Variants in CPSF3 observed in about 807,000 individuals in gnomAD.
CPSF3 encodes cleavage and polyadenylation specificity factor subunit 3.
CPSF3 carries 57 observed loss-of-function variants against 84.1 expected under a neutral mutation model. The ratio of observed to expected loss-of-function variants is 0.68; its 90% CI spans 0.55 to 0.85. The LOEUF is 0.85. CPSF3 is among the 40% of genes least tolerant of loss of function. CPSF3 has a pLI of 0.00. For missense variants in CPSF3, 522 were observed against 838.8 expected (o/e 0.62, Z 4.66); for synonymous variants, 275 against 278.1 (o/e 0.99, Z 0.11).
intron 5 of CPSF3, among the ~76,000 whole-genome samples, chr2:9,433,451 C>CG (rs1461856300): frequency 3.9e-5 from 6 of 152,144 alleles, no homozygotes; most frequent in Non-Finnish European, 8.8e-5. Flanking sequence ...CTCCAGGGCA[C>CG]AAAAAATAAG....
intron 1 of CPSF3, among the ~76,000 whole-genome samples, chr2:9,425,214 A>G (rs555530592): frequency 3.9e-5 from 6 of 152,334 alleles, no homozygotes; most frequent in Non-Finnish European, 1.5e-5. Flanking sequence ...CAGATTCCTC[A>G]TGGCTGTAGC....
intron 14 of CPSF3, among the ~76,000 whole-genome samples, chr2:9,457,646 A>G (rs1485467568): frequency 2.6e-5 from 4 of 152,212 alleles, no homozygotes; most frequent in East Asian, 3.8e-4. Flanking sequence ...AGTGAGTCCT[A>G]TCATTGAATA....
At chr2:9,439,802 C>T (rs1572777629) in intron 7 of CPSF3, among the ~76,000 whole-genome samples, 1 of 151,546 alleles carries the variant, frequency 6.6e-6, no homozygotes, top group African/African-American at 2.4e-5. Flanking sequence ...GCCTGGGAAA[C>T]ATAATGAGAC....
At chr2:9,436,770 C>CAAAAAAAAAAAAAATAAAAAA (rs1347695504) in intron 7 of CPSF3, among the ~76,000 whole-genome samples, 1 of 82,466 alleles carries the variant, frequency 1.2e-5, no homozygotes, top group Non-Finnish European at 2.6e-5. Flanking sequence ...GACTCCATCT[C>CAAAAAAAAAAAAAATAAAAAA]AAAAAATAAT....
chr2:9,429,952 A>G lies in CPSF3; in HGVS notation c.144A>G (p.Glu48=), dbSNP rs980402664. ...ACTGTGGGATCCACCCTGGCCTAGA[A>G]GGAATGGATGCTCTTCCTTATATTG... ...MLDCGIHPGL[E]GMDALPYIDL... is the part of the protein sequence containing the mutation. The change falls in exon 3 of 18, where the codon GAA becomes GAG. Residue 48 remains glutamate (E), a synonymous_variant. Transcript: ENST00000238112. 1 of 1,601,176 alleles carries G rather than the reference A, an allele frequency of 6.2e-7. No homozygotes were observed. Among genetic ancestry groups the G allele is most frequent in the Non-Finnish European group, 8.5e-7 (1 of 1,175,466 alleles).
intron 1 of CPSF3, 111 bp from the exon 2 acceptor site, chr2:9,428,654 G>A: frequency 1.5e-6 from 1 of 679,178 alleles, no homozygotes; most frequent in Non-Finnish European, 2.6e-6. Context: ...ATTTTTCAGT[G>A]AGGTGCTGTC....
chr2:9,471,794 C>T (rs780903992), intron 17 of CPSF3, among the ~76,000 whole-genome samples: 22 of 151,600 alleles, frequency 1.5e-4, no homozygotes, highest in Non-Finnish European at 2.6e-4. Context: ...ATTTTCCAAA[C>T]AGTTCAAAAC....
intron 10 of CPSF3, among the ~76,000 whole-genome samples, chr2:9,444,146 A>ATATATG (rs1252392171): frequency 7.1e-6 from 1 of 140,654 alleles, no homozygotes; most frequent in Non-Finnish European, 1.5e-5. Context: ...TATATTATAT[A>ATATATG]TATATATATA....
chr2:9,465,563 A>ACACG (rs1558465518), intron 15 of CPSF3, among the ~76,000 whole-genome samples: 1 of 147,626 alleles, frequency 6.8e-6, no homozygotes, highest in African/African-American at 2.6e-5. Flanking sequence ...ACACACACAC[A>ACACG]CGCGCGCGCG....
chr2:9,462,284 C>G (rs1399088117), intron 15 of CPSF3, among the ~76,000 whole-genome samples: 1 of 152,202 alleles, frequency 6.6e-6, no homozygotes, highest in Non-Finnish European at 1.5e-5. Context: ...TTTCTCTTCA[C>G]TATATTTCTG....
At chr2:9,453,853 T>C (rs932176261) in intron 12 of CPSF3, among the ~76,000 whole-genome samples, 2 of 152,090 alleles carry the variant, frequency 1.3e-5, no homozygotes, top group African/African-American at 4.8e-5. Flanking sequence ...ATAATGCCAC[T>C]GCATTCCAGC....
intron 3 of CPSF3, 127 bp downstream of exon 3, chr2:9,430,147 C>G: frequency 1.7e-6 from 1 of 596,118 alleles, no homozygotes; most frequent in Non-Finnish European, 2.9e-6. Flanking sequence ...TTGCAGACAT[C>G]TGAGTCTAAA....
chr2:9,467,624 A>T (rs1682020688), intron 15 of CPSF3, 83 bp from the exon 16 acceptor site: 2 of 988,774 alleles, frequency 2.0e-6, no homozygotes, highest in Non-Finnish European at 3.1e-6. Flanking sequence ...ACTTATCAGT[A>T]ACCAGATTCT....
At chr2:9,425,892 C>T (rs1680373853) in intron 1 of CPSF3, among the ~76,000 whole-genome samples, 1 of 152,176 alleles carries the variant, frequency 6.6e-6, no homozygotes. Flanking sequence ...ACCTTGTATT[C>T]ATTAGCAGTC....
At chr2:9,466,400 ACGCACG>A (rs1379877551) in intron 15 of CPSF3, among the ~76,000 whole-genome samples, 212 of 147,802 alleles carry the variant, frequency 1.4e-3, no homozygotes, top group African/African-American at 5.2e-3. Flanking sequence ...GCGCACACAC[ACGCACG>A]CGCACACACG....
chr2:9,452,056 T>C (rs1470836036), intron 11 of CPSF3, among the ~76,000 whole-genome samples: 1 of 152,124 alleles, frequency 6.6e-6, no homozygotes, highest in East Asian at 1.9e-4. Flanking sequence ...GGGCTGGGTG[T>C]CATGGCTCAC....
At chr2:9,467,681 C>G in intron 15 of CPSF3, 26 bp from the exon 16 acceptor site, 1 of 1,561,036 alleles carries the variant, frequency 6.4e-7, no homozygotes, top group Non-Finnish European at 8.7e-7. Flanking sequence ...AGAAACTGAA[C>G]TCTCTGTCGC....
intron 10 of CPSF3, among the ~76,000 whole-genome samples, chr2:9,447,078 C>T (rs533044168): frequency 2.6e-4 from 39 of 151,940 alleles, no homozygotes; most frequent in African/African-American, 9.4e-4. Context: ...GAGATTGAGG[C>T]CACGGTGAGC....
chr2:9,441,983 T>C lies in CPSF3; in HGVS notation c.1095+7T>C, dbSNP rs767907585. 1.9e-6 allele frequency: 3 copies of C among 1,614,038 alleles called. No individual in the cohort carries two copies. The highest frequency in any genetic ancestry group is 1.3e-5 in the African/African-American group (1 of 75,056). On this transcript the variant is annotated splice_region_variant and intron_variant, in intron 9 of 17. Coordinates refer to ENST00000238112, the MANE Select transcript of CPSF3 (RefSeq NM_016207.4). ...AGAAGGGACACTTGCCAAGGTCAGT[T>C]ACAGTCATAGGCTGTTGTGTTATTC...
Sources: gnomAD v4.1 joint callset for allele counts (sites outside exome capture counted in the v4.1 genomes callset) on GRCh38, gnomAD v4.1.1 for gene constraint, MANE v1.5 for transcripts, NCBI Gene and HGNC (gene_info 2026-07-23, HGNC 2026-07-21) for gene names.